PPM1E: variants seen among roughly 807,000 people sequenced by gnomAD.
PPM1E encodes the protein protein phosphatase, Mg2+/Mn2+ dependent 1E.
Under a neutral mutation model 65.9 loss-of-function variants are expected in PPM1E, and 20 were observed. The ratio of observed to expected loss-of-function variants is 0.30; its 90% CI spans 0.21 to 0.44. The LOEUF is 0.44. Among genes scored for constraint, PPM1E ranks in the 20% least tolerant of loss-of-function variants. The probability of loss-of-function intolerance (pLI) is 1.00; values close to 1 mark genes in which losing one functional copy is unlikely to be tolerated. For synonymous variants in PPM1E, 352 were observed against 374.9 expected, an observed-to-expected ratio of 0.94 and a Z score of 0.70; for missense variants, 713 against 953.1, an observed-to-expected ratio of 0.75 and a Z score of 3.32.
chr17:58,977,958 G>C (rs1296103237), intron 6 of PPM1E, among the ~76,000 whole-genome samples: 1 of 152,170 alleles, frequency 6.6e-6, no homozygotes, highest in Non-Finnish European at 1.5e-5. Context: ...GGCCAGGCTG[G>C]CTTCGTACTC....
chr17:58,824,662 C>T lies in PPM1E; in HGVS notation c.464+68201C>T, dbSNP rs574002300. On this transcript the variant is annotated intron_variant, in intron 1 of 6. Transcript: ENST00000308249. Reference sequence around the variant, plus strand: ...GGAGTGCAGTGGCGTGATCTCAGCTCACTGCAAGCTCCGTCTCCCGGGTTC... The same window carrying T: ...GGAGTGCAGTGGCGTGATCTCAGCTTACTGCAAGCTCCGTCTCCCGGGTTC... 5.3e-5 allele frequency among the ~76,000 whole-genome samples: 8 copies of T among 151,218 alleles called. No individual in the cohort carries two copies. The South Asian group carries it at 8.3e-4, about 16-fold the overall frequency.
chr17:58,972,924 T>A lies in PPM1E; in HGVS notation c.1209T>A (p.Ile403=). The change falls in exon 6 of 7, where the codon ATT becomes ATA. Residue 403 remains isoleucine, a splice_region_variant and synonymous_variant. Coordinates refer to ENST00000308249, the MANE Select transcript of PPM1E (RefSeq NM_014906.5). ...VNGSLSVSRA[I]GDAEHKPYIC... ...GAAGTCTGTCGGTTTCCAGAGCTAT[T>A]GGTAGGAAAAACAAATTTTTGTTTC... The A allele has an allele frequency of 1.2e-6, 2 of 1,611,726 alleles. No homozygotes were observed. Among genetic ancestry groups the A allele is most frequent in the Non-Finnish European group, 8.5e-7 (1 of 1,178,444 alleles).
chr17:58,892,549 G>A (rs888380070), intron 1 of PPM1E, among the ~76,000 whole-genome samples: 3 of 151,870 alleles, frequency 2.0e-5, no homozygotes, highest in Admixed American at 2.0e-4. Context: ...CTCCAGCCTG[G>A]GTGACAGAGC....
At chr17:58,957,844 C>T (rs1180206409) in intron 2 of PPM1E, among the ~76,000 whole-genome samples, 1 of 152,192 alleles carries the variant, frequency 6.6e-6, no homozygotes. Flanking sequence ...TCCAGACAAC[C>T]TAAAACCAAT....
chr17:58,847,896 T>C (rs2050787810), intron 1 of PPM1E, among the ~76,000 whole-genome samples: 1 of 152,208 alleles, frequency 6.6e-6, no homozygotes, highest in East Asian at 1.9e-4. Context: ...ATTCTTCCTG[T>C]CCATGAGCAT....
intron 1 of PPM1E, among the ~76,000 whole-genome samples, chr17:58,937,879 CAA>C (rs1226139023): frequency 2.4e-5 from 2 of 82,974 alleles, no homozygotes; most frequent in Admixed American, 1.4e-4. Flanking sequence ...GACTCCATCT[CAA>C]AAAAAAAAAA....
chr17:58,759,587 G>A (rs1282829487), intron 1 of PPM1E, among the ~76,000 whole-genome samples: 1 of 152,120 alleles, frequency 6.6e-6, no homozygotes, highest in African/African-American at 2.4e-5. Flanking sequence ...TTTTTTACCA[G>A]TAGACTATTA....
intron 1 of PPM1E, among the ~76,000 whole-genome samples, chr17:58,827,901 C>A (rs868580171): frequency 2.0e-4 from 23 of 113,248 alleles, no homozygotes; most frequent in African/African-American, 3.1e-4. Context: ...GACTCCATCT[C>A]AAAAAAAAAA....
intron 1 of PPM1E, among the ~76,000 whole-genome samples, chr17:58,766,253 G>C (rs1228507973): frequency 1.4e-5 from 2 of 138,182 alleles, no homozygotes. Context: ...CCAGGCTGGA[G>C]TGCAGTGGCA....
chr17:58,808,046 G>A (rs905963131), intron 1 of PPM1E, among the ~76,000 whole-genome samples: 4 of 152,084 alleles, frequency 2.6e-5, no homozygotes, highest in Admixed American at 1.3e-4. Flanking sequence ...CTAGCAGTGC[G>A]TATGTGTGTT....
intron 1 of PPM1E, among the ~76,000 whole-genome samples, chr17:58,825,020 G>A (rs1363153535): frequency 1.3e-5 from 2 of 151,920 alleles, no homozygotes; most frequent in Admixed American, 1.3e-4. Flanking sequence ...GGAAACTTGG[G>A]GGGAAGAGTG....
chr17:58,929,997 T>G (rs934383095), intron 1 of PPM1E, among the ~76,000 whole-genome samples: 1 of 152,282 alleles, frequency 6.6e-6, no homozygotes, highest in Middle Eastern at 3.4e-3. Context: ...AAATTCTTCC[T>G]GCTATCTCTG....
intron 1 of PPM1E, among the ~76,000 whole-genome samples, chr17:58,760,206 A>G (rs968813911): frequency 1.6e-4 from 25 of 152,100 alleles, no homozygotes; most frequent in African/African-American, 5.8e-4. Flanking sequence ...GTCAATATCA[A>G]TCTGTCACAT....
intron 1 of PPM1E, among the ~76,000 whole-genome samples, chr17:58,793,248 CTA>C (rs1183484427): frequency 6.6e-6 from 1 of 151,966 alleles, no homozygotes; most frequent in African/African-American, 2.4e-5. Flanking sequence ...TCTGTCTCTA[CTA>C]CATGTATATG....
chr17:58,778,662 A>G (rs1304449629), intron 1 of PPM1E, among the ~76,000 whole-genome samples: 1 of 151,516 alleles, frequency 6.6e-6, no homozygotes, highest in Non-Finnish European at 1.5e-5. Context: ...TGCCCGCCTC[A>G]GCTTCCCAGA....
chr17:58,901,085 A>G (rs976427887), intron 1 of PPM1E, among the ~76,000 whole-genome samples: 1 of 152,164 alleles, frequency 6.6e-6, no homozygotes, highest in Non-Finnish European at 1.5e-5. Context: ...TTACCACCAC[A>G]TCATGCCACA....
chr17:58,842,271 C>G (rs563044677), intron 1 of PPM1E, among the ~76,000 whole-genome samples: 1 of 152,072 alleles, frequency 6.6e-6, no homozygotes, highest in African/African-American at 2.4e-5. Flanking sequence ...TAAGGAGACG[C>G]GACAAGTAAA....
intron 1 of PPM1E, among the ~76,000 whole-genome samples, chr17:58,946,230 C>A (rs925490825): frequency 6.6e-6 from 1 of 152,180 alleles, no homozygotes; most frequent in East Asian, 1.9e-4. Context: ...GCTTCCAGTA[C>A]CCCGTCACTC....
At chr17:58,956,406 A>C (rs1228715589) in intron 2 of PPM1E, among the ~76,000 whole-genome samples, 1 of 151,982 alleles carries the variant, frequency 6.6e-6, no homozygotes, top group Non-Finnish European at 1.5e-5. Context: ...ACTGCACTCC[A>C]GCCTGGGAGA....
Sources: gnomAD v4.1 joint callset for allele counts (sites outside exome capture counted in the v4.1 genomes callset) on GRCh38, gnomAD v4.1.1 for gene constraint, MANE v1.5 for transcripts, NCBI Gene and HGNC (gene_info 2026-07-23, HGNC 2026-07-21) for gene names.